SPATA17: variants seen among roughly 807,000 people sequenced by gnomAD.
The protein encoded by SPATA17 is spermatogenesis associated 17.
SPATA17 carries 53 observed loss-of-function variants against 62.2 expected under a neutral mutation model. That is an observed-to-expected ratio of 0.85 (90% CI 0.68 to 1.07). The LOEUF (loss-of-function observed/expected upper bound fraction) is 1.07, where lower values mean the gene tolerates loss of function less well. SPATA17 is among the 50% of genes least tolerant of loss of function. The pLI, the probability that SPATA17 is intolerant of heterozygous loss-of-function variation, is 0.00. For synonymous variants in SPATA17, 146 were observed against 146.8 expected (o/e 0.99, Z 0.04); for missense variants, 466 against 425.5 (o/e 1.10, Z -0.84).
rs906021025 is a variant in SPATA17, at chr1:217,871,242, T to C, written c.*4223T>C. ...ATTGTTGTGGTTGTCAACTCAAGATTGTATTCTCATCTGGGGACATTATGA... is the reference window on the plus strand; with the variant it reads ...ATTGTTGTGGTTGTCAACTCAAGATCGTATTCTCATCTGGGGACATTATGA... On this transcript the variant is annotated 3_prime_UTR_variant, in exon 11 of 11. Coordinates refer to ENST00000366933, the MANE Select transcript of SPATA17 (RefSeq NM_138796.4). The C allele has an allele frequency of 6.6e-6, 1 of 152,208 alleles. No homozygotes were observed. Among genetic ancestry groups the C allele is most frequent in the Non-Finnish European group, 1.5e-5 (1 of 68,026 alleles). The allele number at this position is 152,208 out of a possible 1,614,324, so 9.4% of individuals were successfully genotyped here.
intron 6 of SPATA17, among the ~76,000 whole-genome samples, chr1:217,762,986 C>T (rs1673209926): frequency 6.6e-6 from 1 of 152,100 alleles, no homozygotes; most frequent in Non-Finnish European, 1.5e-5. Context: ...CAAAAAACAA[C>T]CCCACTAACT....
intron 5 of SPATA17, among the ~76,000 whole-genome samples, chr1:217,732,462 A>G (rs1456707444): frequency 1.3e-5 from 2 of 152,344 alleles, no homozygotes; most frequent in East Asian, 3.9e-4. Context: ...GAGTAAACAC[A>G]AAATAAACAA....
chr1:217,771,045 A>C (rs962607506), intron 6 of SPATA17, among the ~76,000 whole-genome samples: 1 of 127,810 alleles, frequency 7.8e-6, no homozygotes, highest in African/African-American at 2.9e-5. Flanking sequence ...CTTTAAAAAA[A>C]ATCAGTGCTT....
At chr1:217,666,285 A>G (rs946972689) in intron 3 of SPATA17, among the ~76,000 whole-genome samples, 5 of 152,122 alleles carry the variant, frequency 3.3e-5, no homozygotes, top group Non-Finnish European at 7.4e-5. Context: ...TCCTCACCCA[A>G]TTTCATGGAA....
intron 8 of SPATA17, among the ~76,000 whole-genome samples, chr1:217,788,413 T>C (rs943529741): frequency 2.0e-5 from 3 of 152,170 alleles, no homozygotes; most frequent in Non-Finnish European, 4.4e-5. Flanking sequence ...GTCCTAATCC[T>C]CGCAACCTGT....
intron 8 of SPATA17, among the ~76,000 whole-genome samples, chr1:217,788,094 A>G (rs1673911565): frequency 6.6e-6 from 1 of 152,136 alleles, no homozygotes; most frequent in Non-Finnish European, 1.5e-5. Context: ...AGACAGCAGA[A>G]ATGGAATGGA....
At chr1:217,799,830 T>C (rs2102986831) in intron 8 of SPATA17, among the ~76,000 whole-genome samples, 1 of 152,084 alleles carries the variant, frequency 6.6e-6, no homozygotes, top group East Asian at 1.9e-4. Context: ...TTTTGGCATA[T>C]AGTAATGGCT....
intron 5 of SPATA17, among the ~76,000 whole-genome samples, chr1:217,711,876 G>C (rs1671872688): frequency 6.6e-6 from 1 of 152,140 alleles, no homozygotes; most frequent in South Asian, 2.1e-4. Flanking sequence ...GAAGGAGCCT[G>C]TTGCCTTGAC....
chr1:217,702,734 T>A (rs188086223), intron 5 of SPATA17, among the ~76,000 whole-genome samples: 2 of 152,292 alleles, frequency 1.3e-5, no homozygotes, highest in Non-Finnish European at 2.9e-5. Context: ...CCTTTGGCAT[T>A]TTTTCAGCTG....
intron 9 of SPATA17, among the ~76,000 whole-genome samples, chr1:217,813,368 A>T (rs890466603): frequency 2.0e-5 from 3 of 152,230 alleles, no homozygotes; most frequent in Admixed American, 6.5e-5. Context: ...GCTGAACTGT[A>T]CAGCAGAGAA....
chr1:217,850,356 C>T, intron 9 of SPATA17: 3 of 706,898 alleles, frequency 4.2e-6, no homozygotes, highest in Non-Finnish European at 7.1e-6. Flanking sequence ...GGCTATAGTG[C>T]AGTGTAATGC....
chr1:217,768,239 G>T (rs766175550), intron 6 of SPATA17, among the ~76,000 whole-genome samples: 1 of 151,794 alleles, frequency 6.6e-6, no homozygotes, highest in Non-Finnish European at 1.5e-5. Flanking sequence ...GCAAGGCTCC[G>T]TCTCAAAAAA....
At chr1:217,774,302 GA>G in intron 6 of SPATA17, 31 bp from the exon 7 acceptor site, 2 of 1,574,700 alleles carry the variant, frequency 1.3e-6, no homozygotes, top group Non-Finnish European at 1.7e-6. Flanking sequence ...GAAAATTAAA[GA>G]AAAAATCAAA....
At chr1:217,856,231 CTTAG>C (rs925506707) in intron 9 of SPATA17, among the ~76,000 whole-genome samples, 14 of 152,268 alleles carry the variant, frequency 9.2e-5, no homozygotes, top group African/African-American at 1.9e-4. Flanking sequence ...ATTTGAGTTT[CTTAG>C]TTAGAGAATA....
intron 9 of SPATA17, among the ~76,000 whole-genome samples, chr1:217,802,178 G>C (rs1674328727): frequency 6.6e-6 from 1 of 152,054 alleles, no homozygotes; most frequent in Non-Finnish European, 1.5e-5. Flanking sequence ...ATGGAGATCA[G>C]GGCTTGTTTG....
At chr1:217,773,695 A>G (rs976027892) in intron 6 of SPATA17, among the ~76,000 whole-genome samples, 6 of 152,114 alleles carry the variant, frequency 3.9e-5, no homozygotes, top group Admixed American at 1.3e-4. Context: ...GAAGCATAGC[A>G]CCTAACCACG....
intron 9 of SPATA17, among the ~76,000 whole-genome samples, chr1:217,842,221 T>C (rs1416460950): frequency 6.6e-6 from 1 of 152,058 alleles, no homozygotes; most frequent in Non-Finnish European, 1.5e-5. Flanking sequence ...GCTAATACTT[T>C]ATTGTTTTTT....
At chr1:217,746,274 T>C (rs1339034899) in intron 6 of SPATA17, among the ~76,000 whole-genome samples, 3 of 151,936 alleles carry the variant, frequency 2.0e-5, no homozygotes, top group Non-Finnish European at 2.9e-5. Context: ...TATACCAGGA[T>C]AGGAAAAGCT....
At chr1:217,726,357 C>T (rs1558581292) in intron 5 of SPATA17, among the ~76,000 whole-genome samples, 1 of 152,202 alleles carries the variant, frequency 6.6e-6, no homozygotes, top group South Asian at 2.1e-4. Context: ...TCATTCTCCT[C>T]CAGTCCAATT....
Sources: gnomAD v4.1 joint callset for allele counts (sites outside exome capture counted in the v4.1 genomes callset) on GRCh38, gnomAD v4.1.1 for gene constraint, MANE v1.5 for transcripts, NCBI Gene and HGNC (gene_info 2026-07-23, HGNC 2026-07-21) for gene names.